The following CNR2 variants were observed in gnomAD, a reference collection of about 807,000 sequenced individuals.
CNR2 encodes cannabinoid receptor 2.
For missense variants in CNR2, 379 were observed against 439.9 expected (o/e 0.86, Z 1.24); for synonymous variants, 172 against 182.2 (o/e 0.94, Z 0.45).
intron 1 of CNR2, among the ~76,000 whole-genome samples, chr1:23,884,904 G>A (rs765384628): frequency 2.0e-5 from 3 of 151,938 alleles, no homozygotes; most frequent in Non-Finnish European, 4.4e-5. Context: ...GAGTTCAAGC[G>A]GTTCTCCGGC....
chr1:23,889,479 T>G (rs1471795477), intron 1 of CNR2, among the ~76,000 whole-genome samples: 3 of 152,152 alleles, frequency 2.0e-5, no homozygotes, highest in African/African-American at 4.8e-5. Flanking sequence ...GGCCTTTCTT[T>G]TCTTTCTTTG....
At chr1:23,894,421 C>CA (rs113493988) in intron 1 of CNR2, among the ~76,000 whole-genome samples, 14 of 148,168 alleles carry the variant, frequency 9.4e-5, no homozygotes, top group African/African-American at 3.3e-4. Flanking sequence ...AACTCTGTCT[C>CA]AAAAAAAAAA....
chr1:23,900,834 C>T (rs1640387079), intron 1 of CNR2, among the ~76,000 whole-genome samples: 1 of 152,016 alleles, frequency 6.6e-6, no homozygotes, highest in African/African-American at 2.4e-5. Context: ...TCCTTCCCAC[C>T]TTGGACCATT....
At chr1:23,888,216 G>C (rs1206664905) in intron 1 of CNR2, among the ~76,000 whole-genome samples, 2 of 152,126 alleles carry the variant, frequency 1.3e-5, no homozygotes, top group African/African-American at 4.8e-5. Flanking sequence ...GGTCTCTCTG[G>C]TTCCTTAATT....
intron 1 of CNR2, among the ~76,000 whole-genome samples, chr1:23,889,408 C>G (rs1640149595): frequency 6.6e-6 from 1 of 152,154 alleles, no homozygotes; most frequent in African/African-American, 2.4e-5. Context: ...GTAGGGAAGC[C>G]TAGGTTCTAG....
intron 1 of CNR2, chr1:23,902,803 G>A (rs541342125): frequency 5.6e-6 from 8 of 1,424,352 alleles, no homozygotes; most frequent in African/African-American, 3.0e-5. Context: ...GCGCGGGCGC[G>A]GGGGCGCGGT....
intron 1 of CNR2, among the ~76,000 whole-genome samples, chr1:23,896,025 G>A (rs903335285): frequency 6.6e-6 from 1 of 151,892 alleles, no homozygotes; most frequent in East Asian, 1.9e-4. Context: ...TTGAGTTATT[G>A]TTATTATTAT....
intron 1 of CNR2, among the ~76,000 whole-genome samples, chr1:23,910,403 A>G (rs895899283): frequency 1.3e-5 from 2 of 151,726 alleles, no homozygotes; most frequent in African/African-American, 4.8e-5. Flanking sequence ...TGCTTCATCA[A>G]TCTTCGCTTA....
At chr1:23,886,122 G>A (rs951176435) in intron 1 of CNR2, among the ~76,000 whole-genome samples, 6 of 150,302 alleles carry the variant, frequency 4.0e-5, no homozygotes, top group African/African-American at 1.5e-4. Flanking sequence ...CTGGGAGGCA[G>A]AGATTTCAGT....
chr1:23,896,880 T>TG (rs1434900889), intron 1 of CNR2, among the ~76,000 whole-genome samples: 2 of 23,360 alleles, frequency 8.6e-5, no homozygotes, highest in Non-Finnish European at 1.7e-4. Flanking sequence ...GCACCAGGAG[T>TG]GTTTTTTTTT....
At chr1:23,909,452 G>C (rs1640549133) in intron 1 of CNR2, among the ~76,000 whole-genome samples, 1 of 152,162 alleles carries the variant, frequency 6.6e-6, no homozygotes, top group African/African-American at 2.4e-5. Flanking sequence ...CGAGACTTCA[G>C]TGTCCTCATT....
chr1:23,904,293 C>T (rs112530160), intron 1 of CNR2, among the ~76,000 whole-genome samples: 7 of 151,946 alleles, frequency 4.6e-5, no homozygotes, highest in African/African-American at 1.7e-4. Flanking sequence ...CCGGCTCAGC[C>T]TCCCGAGTAG....
rs552133354 is a variant in CNR2, at chr1:23,882,897, TAGA to T, written c.-45-7238_-45-7236del. On this transcript the variant is annotated intron_variant, in intron 1 of 1. Transcript: ENST00000374472. ...GAGCTCATCATGCAACTCATGAAAT[TAGA>T]AGAAGGGCCATGGCATACATTCAAA... is the stretch of plus-strand genomic sequence containing the variant. Among the ~76,000 whole-genome samples the T allele has an allele frequency of 2.9e-4, 44 of 152,114 alleles. No individual in the cohort carries two copies. In the South Asian group the frequency reaches 8.9e-3, roughly 31 times the overall value.
chr1:23,902,809 G>A (rs1367087882), intron 1 of CNR2: 2 of 1,419,922 alleles, frequency 1.4e-6, no homozygotes, highest in South Asian at 1.5e-5. Flanking sequence ...GCGCGGGGGC[G>A]CGGTGCAGGC....
chr1:23,901,521 C>T (rs961400635), intron 1 of CNR2: 79 of 1,601,974 alleles, frequency 4.9e-5, no homozygotes, highest in Admixed American at 2.0e-4. Context: ...ACCCCAGTCC[C>T]GTTGGTGCTG....
intron 1 of CNR2, among the ~76,000 whole-genome samples, chr1:23,898,476 G>C (rs1414975426): frequency 6.7e-6 from 1 of 148,990 alleles, no homozygotes. Context: ...CAAGCAGCTG[G>C]GACTACAGGC....
At chr1:23,880,595 C>T (rs1206574701) in intron 1 of CNR2, among the ~76,000 whole-genome samples, 1 of 151,874 alleles carries the variant, frequency 6.6e-6, no homozygotes, top group East Asian at 2.0e-4. Context: ...GATGGAGTTT[C>T]ACTCTTGTCA....
At chr1:23,905,821 A>C (rs907310859) in intron 1 of CNR2, among the ~76,000 whole-genome samples, 4 of 152,192 alleles carry the variant, frequency 2.6e-5, no homozygotes, top group African/African-American at 9.6e-5. Flanking sequence ...ATTAAGGTGC[A>C]TTTGTGCATC....
At chr1:23,878,098 TAGAG>T (rs1639920082) in intron 1 of CNR2, among the ~76,000 whole-genome samples, 2 of 152,088 alleles carry the variant, frequency 1.3e-5, no homozygotes, top group Non-Finnish European at 1.5e-5. Context: ...AGAGGAGTGT[TAGAG>T]AGGATAAACA....
Sources: gnomAD v4.1 joint callset for allele counts (sites outside exome capture counted in the v4.1 genomes callset) on GRCh38, gnomAD v4.1.1 for gene constraint, MANE v1.5 for transcripts, NCBI Gene and HGNC (gene_info 2026-07-23, HGNC 2026-07-21) for gene names.